RABGEF1: variants seen among roughly 807,000 people sequenced by gnomAD.
RABGEF1 encodes the protein rab5 GDP/GTP exchange factor.
RABGEF1 carries 26 observed loss-of-function variants against 57.3 expected under a neutral mutation model. That is an observed-to-expected ratio of 0.45 (90% CI 0.33 to 0.63). RABGEF1 has a LOEUF of 0.63. Ranked by LOEUF, RABGEF1 falls within the 20% of genes least tolerant of loss-of-function variation. The probability of loss-of-function intolerance (pLI) is 0.02; values close to 1 mark genes in which losing one functional copy is unlikely to be tolerated. For synonymous variants in RABGEF1, 185 were observed against 210.7 expected (o/e 0.88, Z 1.06); for missense variants, 464 against 607.6 (o/e 0.76, Z 2.48).
intron 1 of RABGEF1, among the ~76,000 whole-genome samples, chr7:66,744,190 C>T (rs115839207): frequency 0.021 from 3,245 of 151,516 alleles, 80 homozygotes; most frequent in East Asian, 0.094. Context: ...TAGATAGGCG[C>T]GCGCCACCAC....
In RABGEF1 at chr7:66,810,188, G is replaced by A. The variant is rs1789261360; in HGVS notation, c.*904G>A. On this transcript the variant is annotated 3_prime_UTR_variant, in exon 9 of 9. Coordinates refer to ENST00000284957, the MANE Select transcript of RABGEF1 (RefSeq NM_014504.3). ...GTCCCTCAGCTGTGAGATGCAAGGG[G>A]CGCCTTGCAGCCTCCATAATATACA... is the stretch of plus-strand genomic sequence containing the variant. 2 of 152,152 alleles carry A rather than the reference G, an allele frequency of 1.3e-5. No individual in the cohort carries two copies. The highest frequency in any genetic ancestry group is 2.9e-5 in the Non-Finnish European group (2 of 68,020). The allele number at this position is 152,152 out of a possible 1,614,324, so 9.4% of individuals were successfully genotyped here.
intron 4 of RABGEF1, among the ~76,000 whole-genome samples, chr7:66,786,348 G>A (rs975425712): frequency 2.6e-5 from 4 of 152,212 alleles, no homozygotes; most frequent in African/African-American, 9.6e-5. Flanking sequence ...ACCCACTGCA[G>A]TATGGCAGTA....
At chr7:66,745,203 AAAT>A (rs1415750155) in intron 1 of RABGEF1, among the ~76,000 whole-genome samples, 1 of 152,096 alleles carries the variant, frequency 6.6e-6, no homozygotes, top group East Asian at 1.9e-4. Context: ...AAAAAAAAAA[AAAT>A]GATATCAGTA....
upstream of RABGEF1, among the ~76,000 whole-genome samples, chr7:66,678,635 C>G (rs1458361752): frequency 6.7e-6 from 1 of 149,676 alleles, no homozygotes; most frequent in African/African-American, 2.5e-5. Flanking sequence ...AGAGACAAGA[C>G]AATGTGGCAA....
upstream of RABGEF1, among the ~76,000 whole-genome samples, chr7:66,681,215 G>A (rs575109021): frequency 3.3e-5 from 5 of 152,268 alleles, no homozygotes; most frequent in African/African-American, 1.2e-4. Flanking sequence ...TTCTTTCTGT[G>A]ACTGCACCTT....
At chr7:66,685,729 A>C (rs1790522514) in intron 1 of RABGEF1, among the ~76,000 whole-genome samples, 2 of 152,196 alleles carry the variant, frequency 1.3e-5, no homozygotes, top group Non-Finnish European at 2.9e-5. Context: ...AAATGTTACC[A>C]GTACTTACTC....
upstream of RABGEF1, among the ~76,000 whole-genome samples, chr7:66,681,567 T>C (rs544900902): frequency 4.7e-5 from 5 of 106,142 alleles, no homozygotes; most frequent in South Asian, 3.1e-4. Context: ...CCCGGCTGAT[T>C]TGTAAAATTT....
chr7:66,765,597 G>A (rs1805498397), intron 1 of RABGEF1, among the ~76,000 whole-genome samples: 1 of 152,164 alleles, frequency 6.6e-6, no homozygotes, highest in South Asian at 2.1e-4. Context: ...AGGACGTACA[G>A]GACCTTCTAC....
chr7:66,683,402 A>G (rs1034411477), intron 1 of RABGEF1, among the ~76,000 whole-genome samples: 2 of 152,252 alleles, frequency 1.3e-5, no homozygotes, highest in Admixed American at 6.5e-5. Context: ...TTACTGATTC[A>G]TATCCTCAAG....
upstream of RABGEF1, among the ~76,000 whole-genome samples, chr7:66,679,947 C>A (rs1332319126): frequency 6.6e-6 from 1 of 152,116 alleles, no homozygotes; most frequent in East Asian, 1.9e-4. Context: ...GAGGCTGAGG[C>A]AAAAGGATCA....
At chr7:66,762,882 C>T (rs1231682626) in intron 1 of RABGEF1, among the ~76,000 whole-genome samples, 5 of 152,224 alleles carry the variant, frequency 3.3e-5, no homozygotes, top group Non-Finnish European at 7.3e-5. Flanking sequence ...CGATGAGAAA[C>T]AAACCACCAC....
At chr7:66,714,464 T>C (rs1795128298) in intron 2 of RABGEF1, among the ~76,000 whole-genome samples, 1 of 152,218 alleles carries the variant, frequency 6.6e-6, no homozygotes, top group South Asian at 2.1e-4. Context: ...TTCTTTTCTC[T>C]CTTTTTTTGT....
intron 1 of RABGEF1, among the ~76,000 whole-genome samples, chr7:66,750,818 G>T (rs560694367): frequency 7.9e-5 from 12 of 152,294 alleles, no homozygotes; most frequent in Non-Finnish European, 1.8e-4. Context: ...GAAATGCAAA[G>T]ATTTCAGTTT....
rs112367981 is a variant in RABGEF1, at chr7:66,719,175, C to T, written c.-815+6951C>T. On this transcript the variant is annotated intron_variant and NMD_transcript_variant, in intron 2 of 9. Transcript: ENST00000607882. Reference sequence around the variant, plus strand: ...AACGGCAATTAACACCAAAAACCAACCAACCAACAAAAACAACATCACAAA... The same window carrying T: ...AACGGCAATTAACACCAAAAACCAATCAACCAACAAAAACAACATCACAAA... Among the ~76,000 whole-genome samples, 429 of 152,316 alleles carry T rather than the reference C, an allele frequency of 2.8e-3. 1 individual carries two copies. Among genetic ancestry groups the T allele is most frequent in the African/African-American group, 9.9e-3 (413 of 41,570 alleles).
chr7:66,782,898 G>A (rs1810300174), intron 3 of RABGEF1, among the ~76,000 whole-genome samples: 1 of 152,200 alleles, frequency 6.6e-6, no homozygotes, highest in Admixed American at 6.5e-5. Flanking sequence ...TCAAAATCAG[G>A]AGGCTTAGAA....
chr7:66,679,103 T>G (rs1403427330), upstream of RABGEF1, among the ~76,000 whole-genome samples: 1 of 152,198 alleles, frequency 6.6e-6, no homozygotes, highest in Non-Finnish European at 1.5e-5. Context: ...TTGCTTTGCC[T>G]TTTGACCTCT....
At chr7:66,697,914 G>A (rs1225645306) in intron 1 of RABGEF1, among the ~76,000 whole-genome samples, 1 of 152,106 alleles carries the variant, frequency 6.6e-6, no homozygotes, top group Non-Finnish European at 1.5e-5. Flanking sequence ...TCAAACCCCT[G>A]ATCCTATTTC....
chr7:66,697,620 G>A (rs941013404), intron 1 of RABGEF1, among the ~76,000 whole-genome samples: 1 of 152,136 alleles, frequency 6.6e-6, no homozygotes, highest in Non-Finnish European at 1.5e-5. Context: ...GCCTGCCAGA[G>A]TAGGCAGGAT....
chr7:66,658,071 C>G, the RABGEF1 span, among the ~76,000 whole-genome samples: 1 of 151,992 alleles, frequency 6.6e-6, no homozygotes, highest in Non-Finnish European at 1.5e-5. Context: ...ACTCAAATAT[C>G]CAAAATCAGA....
Sources: gnomAD v4.1 joint callset for allele counts (sites outside exome capture counted in the v4.1 genomes callset) on GRCh38, gnomAD v4.1.1 for gene constraint, MANE v1.5 for transcripts, NCBI Gene and HGNC (gene_info 2026-07-23, HGNC 2026-07-21) for gene names.